DCUN1D5: variants seen among roughly 807,000 people sequenced by gnomAD.
DCUN1D5 encodes the protein DCN1-like protein 5.
DCUN1D5 carries 10 observed loss-of-function variants against 38.3 expected under a neutral mutation model. The ratio of observed to expected loss-of-function variants is 0.26; its 90% CI spans 0.16 to 0.44. The LOEUF (loss-of-function observed/expected upper bound fraction) is 0.44. DCUN1D5 is among the 20% of genes least tolerant of loss of function. The pLI is 1.00. For synonymous variants in DCUN1D5, 93 were observed against 90.9 expected, an observed-to-expected ratio of 1.02 and a Z score of -0.13; for missense variants, 148 against 275.3, an observed-to-expected ratio of 0.54 and a Z score of 3.27.
At position 103,091,672 on chromosome 11, in the gene DCUN1D5, A is replaced by C. The variant is rs1460809462; in HGVS notation, c.86+115T>G. Reference sequence around the variant, plus strand: ...CGGCACCTACAGCCTAGCTCGATCAAAGGGGCCTCACCTGTCTCCAGCCCC... The same window carrying C: ...CGGCACCTACAGCCTAGCTCGATCACAGGGGCCTCACCTGTCTCCAGCCCC... On this transcript the variant is annotated intron_variant, in intron 1 of 7. Coordinates refer to ENST00000260247, the MANE Select transcript of DCUN1D5 (RefSeq NM_032299.4). This position sits in a 1 kb window ranked among gnomAD's most constrained non-coding sequence, Gnocchi z 4.3. 6.3e-7 allele frequency: 1 copy of C among 1,593,680 alleles called. No homozygotes were observed. Among genetic ancestry groups the C allele is most frequent in the African/African-American group, 1.3e-5 (1 of 74,538 alleles).
Position 103,092,140 on chromosome 11 carries a change from G to C in DCUN1D5, c.-268C>G, listed in dbSNP as rs1196232087. 7.0e-6 allele frequency: 3 copies of C among 430,848 alleles called. No individual in the cohort carries two copies. Among genetic ancestry groups the C allele is most frequent in the African/African-American group, 2.1e-5 (1 of 48,724 alleles). 26.7% of individuals were successfully genotyped at this position (430,848 alleles called of 1,614,324 possible). A position where few individuals can be genotyped will look rare whatever the true frequency, so the allele number is the denominator to read the frequency against. Reference sequence around the variant, plus strand: ...AGGAGATAACGCGGACAGCGCGGCAGCTCCACCAGTCACAGCAAGCAAGAG... The same window carrying C: ...AGGAGATAACGCGGACAGCGCGGCACCTCCACCAGTCACAGCAAGCAAGAG... On this transcript the variant is annotated 5_prime_UTR_variant, in exon 1 of 8. Coordinates refer to ENST00000260247, the MANE Select transcript of DCUN1D5 (RefSeq NM_032299.4).
rs558641848 is a variant in DCUN1D5, at chr11:103,053,621, T to C, written c.*8738A>G. ...ACCCCCCAAATAAATACATTATGTA[T>C]CAATGAATTTTAATTATATGAATAT... On this transcript the variant is annotated 3_prime_UTR_variant, in exon 8 of 8. Coordinates refer to ENST00000260247, the MANE Select transcript of DCUN1D5 (RefSeq NM_032299.4). This position sits in a 1 kb window ranked among gnomAD's most constrained non-coding sequence, Gnocchi z 4.8. 13 of 152,106 alleles carry C rather than the reference T, an allele frequency of 8.5e-5. No individual in the cohort carries two copies. In the East Asian group the frequency reaches 2.5e-3, roughly 29 times the overall value. The allele number at this position is 152,106 out of a possible 1,614,324, so 9.4% of individuals were successfully genotyped here. A position where few individuals can be genotyped will look rare whatever the true frequency, so the allele number is the denominator to read the frequency against.
Position 103,058,523 on chromosome 11 carries a change from CTG to C in DCUN1D5, c.*3834_*3835del, listed in dbSNP as rs1338167832. 1.3e-5 allele frequency among the ~76,000 whole-genome samples: 2 copies of C among 152,100 alleles called. No individual in the cohort carries two copies. Among genetic ancestry groups the C allele is most frequent in the Admixed American group, 6.5e-5 (1 of 15,280 alleles). On this transcript the variant is annotated 3_prime_UTR_variant, in exon 8 of 8. Coordinates refer to ENST00000260247, the MANE Select transcript of DCUN1D5 (RefSeq NM_032299.4). ...GGGCAGAAATTCATCTTTCCACAGT[CTG>C]TAAGTTTATCATAAAAATTAGACTG... is the stretch of plus-strand genomic sequence containing the variant.
At position 103,064,418 on chromosome 11, in the gene DCUN1D5, C is replaced by A; in HGVS notation, c.556-41G>T. The A allele has an allele frequency of 6.9e-7, 1 of 1,449,498 alleles. No homozygotes were observed. The highest frequency in any genetic ancestry group is 1.4e-5 in the African/African-American group (1 of 69,922). 89.8% of individuals were successfully genotyped at this position (1,449,498 alleles called of 1,614,324 possible). The stretch of plus-strand genomic sequence containing the variant: ...AAATATTTGTATTTAAATATTTAAA[C>A]AAACATCATTTACTCAATTTAGTAA... On this transcript the variant is annotated intron_variant, in intron 6 of 7. Transcript: ENST00000260247. This position sits in a 1 kb window ranked among gnomAD's most constrained non-coding sequence, Gnocchi z 4.5.
At position 103,073,892 on chromosome 11, in the gene DCUN1D5, G is replaced by A. The variant is rs1469637983; in HGVS notation, c.342-7325C>T. 1.3e-5 allele frequency among the ~76,000 whole-genome samples: 2 copies of A among 152,100 alleles called. No homozygotes were observed. The highest frequency in any genetic ancestry group is 1.9e-4 in the East Asian group (1 of 5,194). On this transcript the variant is annotated intron_variant, in intron 4 of 7. Coordinates refer to ENST00000260247, the MANE Select transcript of DCUN1D5 (RefSeq NM_032299.4). This position sits in a 1 kb window ranked among gnomAD's most constrained non-coding sequence, Gnocchi z 4.2. ...TTTTGAGACCAGCCTGGCCAACATG[G>A]TGAAATCCTGTCACTACTAAAAAAT...
chr11:103,092,011 GC>G lies in DCUN1D5; in HGVS notation c.-140del. On this transcript the variant is annotated 5_prime_UTR_variant, in exon 1 of 8. Coordinates refer to ENST00000260247, the MANE Select transcript of DCUN1D5 (RefSeq NM_032299.4). ...AGAGTCGCCAGCCCGCACCGGCGCG[GC>G]CCAGCCCGGCCGCCGCCCGCTCCCA... The G allele has an allele frequency of 1.4e-6, 1 of 717,054 alleles. No individual in the cohort carries two copies. The highest frequency in any genetic ancestry group is 2.2e-6 in the Non-Finnish European group (1 of 448,982). 44.4% of individuals were successfully genotyped at this position (717,054 alleles called of 1,614,324 possible). A position where few individuals can be genotyped will look rare whatever the true frequency, so the allele number is the denominator to read the frequency against.
rs1861735371 is a variant in DCUN1D5, at chr11:103,051,510, CCCCCG to C, written c.*10844_*10848del. The C allele has an allele frequency of 1.5e-5, 2 of 135,188 alleles. No individual in the cohort carries two copies. Among genetic ancestry groups the C allele is most frequent in the Non-Finnish European group, 3.3e-5 (2 of 61,156 alleles). The allele number at this position is 135,188 out of a possible 1,614,324, so 8.4% of individuals were successfully genotyped here. A position where few individuals can be genotyped will look rare whatever the true frequency, so the allele number is the denominator to read the frequency against. Reference sequence around the variant, plus strand: ...GCTTCACATATTTACTTCCCCCCCCCCCCCGCCACCCCTGTGTTAACAGGTTTACT... The same window carrying C: ...GCTTCACATATTTACTTCCCCCCCCCCCACCCCTGTGTTAACAGGTTTACT... On this transcript the variant is annotated 3_prime_UTR_variant, in exon 8 of 8. Transcript: ENST00000260247.
At position 103,083,140 on chromosome 11, in the gene DCUN1D5, A is replaced by G; in HGVS notation, c.249+116T>C. On this transcript the variant is annotated intron_variant, in intron 3 of 7. Coordinates refer to ENST00000260247, the MANE Select transcript of DCUN1D5 (RefSeq NM_032299.4). The surrounding 1 kb of genome is among the most constrained non-coding windows in gnomAD (Gnocchi z 4.4). Reference sequence around the variant, plus strand: ...AAAATACCTTAAATGCAAATTTACAATATTAAACATGAAGAAATAAAATCT... The same window carrying G: ...AAAATACCTTAAATGCAAATTTACAGTATTAAACATGAAGAAATAAAATCT... The G allele has an allele frequency of 1.6e-6, 1 of 638,744 alleles. No individual in the cohort carries two copies. Among genetic ancestry groups the G allele is most frequent in the Non-Finnish European group, 2.8e-6 (1 of 360,024 alleles). 39.6% of individuals were successfully genotyped at this position (638,744 alleles called of 1,614,324 possible). A position where few individuals can be genotyped will look rare whatever the true frequency, so the allele number is the denominator to read the frequency against.
At chr11:103,090,051 C>T (rs891016889) in intron 1 of DCUN1D5, among the ~76,000 whole-genome samples, 4 of 151,916 alleles carry the variant, frequency 2.6e-5, no homozygotes, top group Non-Finnish European at 4.4e-5. Flanking sequence ...TCAAGGAACT[C>T]AAATAATTAC....
rs1192107663 is a variant in DCUN1D5 at position 103,077,067 on chromosome 11, G to C, written c.341+5681C>G. Among the ~76,000 whole-genome samples, 1 of 152,134 alleles carries C rather than the reference G, an allele frequency of 6.6e-6. No individual in the cohort carries two copies. The highest frequency in any genetic ancestry group is 6.5e-5 in the Admixed American group (1 of 15,282). ...CAAAAAAAATTAGCTGGGTGTGGTG[G>C]CGGGTGCCTGTAGTCCCAGCTACTC... is the stretch of plus-strand genomic sequence containing the variant. On this transcript the variant is annotated intron_variant, in intron 4 of 7. Coordinates refer to ENST00000260247, the MANE Select transcript of DCUN1D5 (RefSeq NM_032299.4). This position sits in a 1 kb window ranked among gnomAD's most constrained non-coding sequence, Gnocchi z 4.3.
rs1489624264 is a variant in DCUN1D5 at position 103,061,019 on chromosome 11, C to A, written c.*1340G>T. On this transcript the variant is annotated 3_prime_UTR_variant, in exon 8 of 8. Transcript: ENST00000260247. ...GTTTCAGAAAACTGTACAAAGTAAT[C>A]TTATTAAGAAGGCAAGTAAAACAGT... Among the ~76,000 whole-genome samples the A allele has an allele frequency of 6.6e-6, 1 of 152,080 alleles. No homozygotes were observed. The highest frequency in any genetic ancestry group is 1.5e-5 in the Non-Finnish European group (1 of 67,984).
chr11:103,066,682 T>G lies in DCUN1D5; in HGVS notation c.342-115A>C, dbSNP rs1044644799. 1 of 561,362 alleles carries G rather than the reference T, an allele frequency of 1.8e-6. No homozygotes were observed. The highest frequency in any genetic ancestry group is 3.7e-5 in the Admixed American group (1 of 26,668). The allele number at this position is 561,362 out of a possible 1,614,324, so 34.8% of individuals were successfully genotyped here. On this transcript the variant is annotated intron_variant, in intron 4 of 7. Transcript: ENST00000260247. The surrounding 1 kb of genome is among the most constrained non-coding windows in gnomAD (Gnocchi z 4.7). The stretch of plus-strand genomic sequence containing the variant: ...AAGTGAGCGCATTTATGAAGTTAAT[T>G]TAGTTTTAAAATTCTGAGTCACAAA...
chr11:103,062,140 C>G lies in DCUN1D5; in HGVS notation c.*219G>C. On this transcript the variant is annotated 3_prime_UTR_variant, in exon 8 of 8. Transcript: ENST00000260247. This position sits in a 1 kb window ranked among gnomAD's most constrained non-coding sequence, Gnocchi z 4.6. ...TCTGAAATAAATGTTATAAACATAACTCAAAACAAAAACTTCAATATTCAG... is the reference window on the plus strand; with the variant it reads ...TCTGAAATAAATGTTATAAACATAAGTCAAAACAAAAACTTCAATATTCAG... 1 of 479,726 alleles carries G rather than the reference C, an allele frequency of 2.1e-6. No homozygotes were observed. The highest frequency in any genetic ancestry group is 3.3e-5 in the East Asian group (1 of 30,122). 29.7% of individuals were successfully genotyped at this position (479,726 alleles called of 1,614,324 possible).
Position 103,066,298 on chromosome 11 carries a change from G to A in DCUN1D5, c.526C>T (p.Leu176=). ...LALLLGRTWP[L]FSVFYQYLEQ... is the part of the protein sequence containing the mutation. ...AGGTACTGGTAAAATACTGAAAACA[G>A]TGGCCATGTCCTCCCAAGCAGAAGA... is the stretch of plus-strand genomic sequence containing the variant. The change falls in exon 6 of 8, where the codon CTG becomes TTG. Residue 176 remains leucine (L), a synonymous_variant. Coordinates refer to ENST00000260247, the MANE Select transcript of DCUN1D5 (RefSeq NM_032299.4). This position sits in a 1 kb window ranked among gnomAD's most constrained non-coding sequence, Gnocchi z 4.7. 1 of 1,606,854 alleles carries A rather than the reference G, an allele frequency of 6.2e-7. No homozygotes were observed. The highest frequency in any genetic ancestry group is 8.5e-7 in the Non-Finnish European group (1 of 1,177,116).
chr11:103,068,329 T>C (rs1158749945), intron 4 of DCUN1D5, among the ~76,000 whole-genome samples: 8 of 152,300 alleles, frequency 5.3e-5, no homozygotes, highest in Middle Eastern at 6.8e-3. Flanking sequence ...CATTATTGGA[T>C]ATATACCCAG....
rs1363810535 is a variant in DCUN1D5 at position 103,073,847 on chromosome 11, C to G, written c.342-7280G>C. ...CAACATTTTTGGAGGCTCAGGCGGG[C>G]AGATCACTTGAGGTCAGGATTTTGA... On this transcript the variant is annotated intron_variant, in intron 4 of 7. Transcript: ENST00000260247. This position sits in a 1 kb window ranked among gnomAD's most constrained non-coding sequence, Gnocchi z 4.2. 6.6e-6 allele frequency among the ~76,000 whole-genome samples: 1 copy of G among 152,074 alleles called. No homozygotes were observed. The highest frequency in any genetic ancestry group is 1.5e-5 in the Non-Finnish European group (1 of 68,008).
In DCUN1D5 at chr11:103,052,819, TA is replaced by T. The variant is rs1565278053; in HGVS notation, c.*9539del. 1 of 152,216 alleles carries T rather than the reference TA, an allele frequency of 6.6e-6. No individual in the cohort carries two copies. The highest frequency in any genetic ancestry group is 1.9e-4 in the East Asian group (1 of 5,202). The allele number at this position is 152,216 out of a possible 1,614,324, so 9.4% of individuals were successfully genotyped here. A position where few individuals can be genotyped will look rare whatever the true frequency, so the allele number is the denominator to read the frequency against. The stretch of plus-strand genomic sequence containing the variant: ...ATAGAGAGAATAAAATAGAAATTCC[TA>T]AATAGAAATTCAGTTTTCTCACTCT... On this transcript the variant is annotated 3_prime_UTR_variant, in exon 8 of 8. Transcript: ENST00000260247.
In DCUN1D5 at chr11:103,056,949, G is replaced by A. The variant is rs542461358; in HGVS notation, c.*5410C>T. Among the ~76,000 whole-genome samples, 18 of 152,188 alleles carry A rather than the reference G, an allele frequency of 1.2e-4. No homozygotes were observed. Among genetic ancestry groups the A allele is most frequent in the Admixed American group, 2.0e-4 (3 of 15,264 alleles). On this transcript the variant is annotated 3_prime_UTR_variant, in exon 8 of 8. Transcript: ENST00000260247. The surrounding 1 kb of genome is among the most constrained non-coding windows in gnomAD (Gnocchi z 4.9). ...AACAATACTGGTAGGTATCATTATC[G>A]CCATTTTACAGAAGAAACTGAAAAT...
Position 103,066,700 on chromosome 11 carries a change from G to A in DCUN1D5, c.342-133C>T. Reference sequence around the variant, plus strand: ...AGTTAATTTAGTTTTAAAATTCTGAGTCACAAATTTAGAGTAATAAATTTC... The same window carrying A: ...AGTTAATTTAGTTTTAAAATTCTGAATCACAAATTTAGAGTAATAAATTTC... On this transcript the variant is annotated intron_variant, in intron 4 of 7. Transcript: ENST00000260247. The surrounding 1 kb of genome is among the most constrained non-coding windows in gnomAD (Gnocchi z 4.7). 1.9e-6 allele frequency: 1 copy of A among 514,300 alleles called. No individual in the cohort carries two copies. Among genetic ancestry groups the A allele is most frequent in the East Asian group, 3.3e-5 (1 of 30,534 alleles). The allele number at this position is 514,300 out of a possible 1,614,324, so 31.9% of individuals were successfully genotyped here.
Sources: gnomAD v4.1 joint callset for allele counts (sites outside exome capture counted in the v4.1 genomes callset) on GRCh38, gnomAD v4.1.1 for gene constraint, Gnocchi (gnomAD v3.1) non-coding constraint, MANE v1.5 for transcripts, NCBI Gene and HGNC (gene_info 2026-07-23, HGNC 2026-07-21) for gene names.